ENPP1: variants seen among roughly 807,000 people sequenced by gnomAD.
ENPP1 encodes the protein ectonucleotide pyrophosphatase/phosphodiesterase 1.
A neutral mutation model predicts 122.8 loss-of-function variants in ENPP1; 73 were observed. The ratio of observed to expected loss-of-function variants is 0.59; its 90% CI spans 0.49 to 0.72. ENPP1 has a LOEUF of 0.72. ENPP1 is among the 30% of genes least tolerant of loss of function. The pLI is 0.00. For missense variants in ENPP1, 978 were observed against 1,128.1 expected (o/e 0.87, Z 1.91); for synonymous variants, 367 against 391.6 (o/e 0.94, Z 0.74).
At chr6:131,840,234 A>G (rs1309275734) in intron 1 of ENPP1, among the ~76,000 whole-genome samples, 1 of 152,236 alleles carries the variant, frequency 6.6e-6, no homozygotes, top group South Asian at 2.1e-4. Context: ...CTGTATACCT[A>G]TAACTAAAAT....
intron 1 of ENPP1, among the ~76,000 whole-genome samples, chr6:131,829,915 T>C (rs940233240): frequency 1.1e-4 from 16 of 152,188 alleles, no homozygotes; most frequent in Non-Finnish European, 1.5e-4. Flanking sequence ...AATGTTCTCT[T>C]TCCTGTTGGC....
rs551196217 is a variant in ENPP1, at chr6:131,858,794, G to A, written c.795+47G>A. On this transcript the variant is annotated intron_variant, in intron 7 of 24. Transcript: ENST00000647893. Reference sequence around the variant, plus strand: ...CTATCTGTTTGAAGAAGTGAGATGGGATTGTAACATTTTTTGAGGGAATAG... The same window carrying A: ...CTATCTGTTTGAAGAAGTGAGATGGAATTGTAACATTTTTTGAGGGAATAG... 4 of 1,293,346 alleles carry A rather than the reference G, an allele frequency of 3.1e-6. No homozygotes were observed. In the African/African-American group the frequency reaches 5.8e-5, roughly 19 times the overall value. The allele number at this position is 1,293,346 out of a possible 1,614,324, so 80.1% of individuals were successfully genotyped here. A position where few individuals can be genotyped will look rare whatever the true frequency, so the allele number is the denominator to read the frequency against.
intron 1 of ENPP1, among the ~76,000 whole-genome samples, chr6:131,837,557 CCAAA>C (rs1183586902): frequency 3.0e-4 from 44 of 149,018 alleles, no homozygotes; most frequent in South Asian, 6.4e-4. Context: ...AACCAGCCAA[CCAAA>C]CAAACAAACC....
intron 1 of ENPP1, among the ~76,000 whole-genome samples, chr6:131,815,974 G>A (rs1183851652): frequency 6.6e-6 from 1 of 151,358 alleles, no homozygotes; most frequent in African/African-American, 2.4e-5. Flanking sequence ...GCCCGCCTCG[G>A]CCTCCCAAAG....
chr6:131,868,987 C>G (rs1585830158), intron 12 of ENPP1, among the ~76,000 whole-genome samples: 1 of 152,146 alleles, frequency 6.6e-6, no homozygotes, highest in East Asian at 1.9e-4. Flanking sequence ...CAAAGAAGTA[C>G]CAGTCTTGGA....
rs753812455 is a variant in ENPP1, at chr6:131,886,627, G to C, written c.2510G>C (p.Ser837Thr). The change falls in exon 24 of 25, where the codon AGC becomes ACC. Residue 837 changes from serine (S) to threonine (T), a missense_variant. Physicochemically the swap from Ser to Thr is moderately conservative, Grantham distance 58. Around this residue, in one of 3 missense-constraint regions of ENPP1, gnomAD observed 644 missense variants for 781.5 expected, o/e 0.82. Transcript: ENST00000647893. ...ACTCACTTCTTTATTGTGCTAACAA[G>C]CTGTAAAGATACATCTCAGACGCCT... is the stretch of plus-strand genomic sequence containing the variant. ...IPTHFFIVLT[S>T]CKDTSQTPLH... The C allele has an allele frequency of 6.2e-7, 1 of 1,613,720 alleles. No individual in the cohort carries two copies. Among genetic ancestry groups the C allele is most frequent in the Non-Finnish European group, 8.5e-7 (1 of 1,179,760 alleles).
chr6:131,860,834 T>A (rs1782013803), intron 8 of ENPP1, among the ~76,000 whole-genome samples: 1 of 152,160 alleles, frequency 6.6e-6, no homozygotes, highest in Non-Finnish European at 1.5e-5. Context: ...TTGAACGTCT[T>A]GGTTTTATTT....
chr6:131,865,950 C>G (rs1035096931), intron 11 of ENPP1, among the ~76,000 whole-genome samples: 5 of 151,064 alleles, frequency 3.3e-5, no homozygotes, highest in Middle Eastern at 3.4e-3. Flanking sequence ...GAGCCGAGAT[C>G]GCACCACTGT....
chr6:131,819,871 T>A, intron 1 of ENPP1: 1 of 476,396 alleles, frequency 2.1e-6, no homozygotes, highest in Non-Finnish European at 4.0e-6. Context: ...CGACCAATTC[T>A]CTGGGGAGAG....
intron 24 of ENPP1, 39 bp downstream of exon 24, chr6:131,886,763 T>A: frequency 6.4e-7 from 1 of 1,569,882 alleles, no homozygotes; most frequent in Non-Finnish European, 8.8e-7. Context: ...ATGTTGAAAA[T>A]CTAGACATAT....
intron 1 of ENPP1, among the ~76,000 whole-genome samples, chr6:131,837,846 G>A (rs1490130544): frequency 6.6e-6 from 1 of 152,030 alleles, no homozygotes; most frequent in Non-Finnish European, 1.5e-5. Context: ...AATCTTTAGT[G>A]TCTTCTACCA....
chr6:131,832,123 C>T (rs1781621719), intron 1 of ENPP1, among the ~76,000 whole-genome samples: 1 of 150,260 alleles, frequency 6.7e-6, no homozygotes, highest in African/African-American at 2.4e-5. Flanking sequence ...TTAGCACTTC[C>T]TTACTTTCTG....
Position 131,890,366 on chromosome 6 carries a change from T to G in ENPP1, c.2633T>G (p.Val878Gly). 6.2e-7 allele frequency: 1 copy of G among 1,614,014 alleles called. No homozygotes were observed. The highest frequency in any genetic ancestry group is 8.5e-7 in the Non-Finnish European group (1 of 1,179,878). Residue 878 changes from valine (V) to glycine (G), a missense_variant, in exon 25 of 25, where the codon GTT becomes GGT. Val to Gly is a moderately radical substitution (Grantham distance 109, BLOSUM62 -3). Around this residue, in one of 3 missense-constraint regions of ENPP1, gnomAD observed 644 missense variants for 781.5 expected, o/e 0.82. Coordinates refer to ENST00000647893, the MANE Select transcript of ENPP1 (RefSeq NM_006208.3). ...CVHGKHDSSW[V>G]EELLMLHRAR... ...CATGGGAAGCATGACTCCTCATGGG[T>G]TGAAGAATTGTTAATGTTACACAGA...
At chr6:131,834,901 C>CA (rs2114674831) in intron 1 of ENPP1, among the ~76,000 whole-genome samples, 1 of 152,204 alleles carries the variant, frequency 6.6e-6, no homozygotes, top group East Asian at 1.9e-4. Context: ...GATGTAGGGT[C>CA]AGGGGTTATT....
intron 12 of ENPP1, among the ~76,000 whole-genome samples, chr6:131,868,769 C>G (rs887929585): frequency 2.0e-5 from 3 of 152,190 alleles, no homozygotes; most frequent in Admixed American, 6.5e-5. Context: ...ATAAATCTGA[C>G]TTTAGAAGCA....
At chr6:131,875,704 A>T in intron 16 of ENPP1, 72 bp from the exon 17 acceptor site, 1 of 1,111,676 alleles carries the variant, frequency 9.0e-7, no homozygotes, top group Middle Eastern at 2.0e-4. Context: ...TACAATGTGG[A>T]TAACAGAATT....
chr6:131,886,554 T>A lies in ENPP1; in HGVS notation c.2445-8T>A. 6.2e-7 allele frequency: 1 copy of A among 1,603,346 alleles called. No homozygotes were observed. The stretch of plus-strand genomic sequence containing the variant: ...CTTTCTTAAAATGAATATTGGCATG[T>A]TTTACAGAAAAAGAAGAGTCATCCG... On this transcript the variant is annotated splice_polypyrimidine_tract_variant and splice_region_variant and intron_variant, in intron 23 of 24. Coordinates refer to ENST00000647893, the MANE Select transcript of ENPP1 (RefSeq NM_006208.3).
At position 131,829,506 on chromosome 6, in the gene ENPP1, G is replaced by A. The variant is rs142958377; in HGVS notation, c.241-18270G>A. ...TAAATTTAGTTTAGATTGTGCCTTG[G>A]GATGTCTGTCTGTCTATCTATCCAT... On this transcript the variant is annotated intron_variant, in intron 1 of 24. Coordinates refer to ENST00000647893, the MANE Select transcript of ENPP1 (RefSeq NM_006208.3). Among the ~76,000 whole-genome samples, 341 of 152,194 alleles carry A rather than the reference G, an allele frequency of 2.2e-3. 5 individuals carry two copies. The highest frequency in any genetic ancestry group is 0.016 in the Admixed American group (250 of 15,294).
Position 131,808,295 on chromosome 6 carries a change from C to T in ENPP1, c.240+20C>T, listed in dbSNP as rs939809009. ...TCGCTGGTAGGTCCGCGGCCAGGCC[C>T]CGGCGCCCGGGAGGGCTGGGAGTAC... is the stretch of plus-strand genomic sequence containing the variant. On this transcript the variant is annotated intron_variant, in intron 1 of 24. Transcript: ENST00000647893. 1 of 1,483,574 alleles carries T rather than the reference C, an allele frequency of 6.7e-7. No homozygotes were observed. The highest frequency in any genetic ancestry group is 9.0e-7 in the Non-Finnish European group (1 of 1,112,226). 91.9% of individuals were successfully genotyped at this position (1,483,574 alleles called of 1,614,324 possible). A position where few individuals can be genotyped will look rare whatever the true frequency, so the allele number is the denominator to read the frequency against.
Sources: allele counts gnomAD v4.1 joint callset (sites outside exome capture counted in the v4.1 genomes callset), GRCh38; gene constraint gnomAD v4.1.1; regional missense constraint gnomAD v4.1.1; transcripts MANE v1.5; gene names NCBI Gene and HGNC (gene_info 2026-07-23, HGNC 2026-07-21).